DOCK7: variants seen among roughly 807,000 people sequenced by gnomAD.
DOCK7 encodes dedicator of cytokinesis protein 7.
A neutral mutation model predicts 271.0 loss-of-function variants in DOCK7; 138 were observed. The ratio of observed to expected loss-of-function variants is 0.51; its 90% CI spans 0.44 to 0.59. DOCK7 has a LOEUF of 0.59. Among genes scored for constraint, DOCK7 ranks in the 20% least tolerant of loss-of-function variants. DOCK7 has a pLI of 0.00. For synonymous variants in DOCK7, 823 were observed against 876.1 expected, an observed-to-expected ratio of 0.94 and a Z score of 1.07; for missense variants, 2,066 against 2,592.4, an observed-to-expected ratio of 0.80 and a Z score of 4.41.
chr1:62,648,631 G>T, intron 4 of DOCK7, 87 bp from the exon 5 acceptor site: 2 of 678,748 alleles, frequency 2.9e-6, no homozygotes, highest in Non-Finnish European at 4.3e-6. Context: ...AATAAGCCAA[G>T]TGTTTTCTGC....
chr1:62,622,881 G>A (rs1161332387), intron 12 of DOCK7, among the ~76,000 whole-genome samples: 1 of 152,114 alleles, frequency 6.6e-6, no homozygotes, highest in Non-Finnish European at 1.5e-5. Context: ...AGTGAGCCGA[G>A]ACTGTGCCAC....
intron 9 of DOCK7, 93 bp from the exon 10 acceptor site, chr1:62,633,671 G>A: frequency 1.2e-6 from 1 of 810,390 alleles, no homozygotes; most frequent in Non-Finnish European, 2.0e-6. Flanking sequence ...CACATTAACA[G>A]AATGACAGAA....
intron 1 of DOCK7, among the ~76,000 whole-genome samples, chr1:62,685,702 C>T: frequency 6.6e-6 from 1 of 152,164 alleles, no homozygotes; most frequent in East Asian, 1.9e-4. Flanking sequence ...ACTGAATCAT[C>T]ATCTCCATCC....
chr1:62,659,326 A>G (rs972855756), intron 2 of DOCK7, among the ~76,000 whole-genome samples: 1 of 152,184 alleles, frequency 6.6e-6, no homozygotes, highest in Non-Finnish European at 1.5e-5. Flanking sequence ...AACTGGTAAT[A>G]TATCAACACC....
chr1:62,523,991 A>G (rs140506961), intron 31 of DOCK7, among the ~76,000 whole-genome samples: 11 of 152,342 alleles, frequency 7.2e-5, no homozygotes, highest in African/African-American at 2.6e-4. Flanking sequence ...TATAACTGAC[A>G]ATGGACTTGA....
At chr1:62,634,972 TC>T (rs1655076371) in intron 8 of DOCK7, 50 bp from the exon 9 acceptor site, 4 of 1,308,288 alleles carry the variant, frequency 3.1e-6, no homozygotes, top group Non-Finnish European at 4.2e-6. Flanking sequence ...TTTTACAGTG[TC>T]TATTTCTTAA....
chr1:62,620,723 T>C (rs543766588), intron 12 of DOCK7, among the ~76,000 whole-genome samples: 2 of 149,806 alleles, frequency 1.3e-5, no homozygotes, highest in African/African-American at 4.9e-5. Context: ...TACTAAAAAA[T>C]ACAAAAAAAA....
intron 30 of DOCK7, 92 bp downstream of exon 30, chr1:62,529,185 T>C (rs1557672291): frequency 7.9e-7 from 1 of 1,262,736 alleles, no homozygotes; most frequent in East Asian, 2.5e-5. Context: ...ATTCTTATTT[T>C]CCTAAAATAA....
chr1:62,581,534 A>AT (rs1177719625), intron 16 of DOCK7, among the ~76,000 whole-genome samples: 2 of 152,170 alleles, frequency 1.3e-5, no homozygotes, highest in Non-Finnish European at 2.9e-5. Flanking sequence ...GGCCACTAAA[A>AT]ATATATATCT....
At chr1:62,651,450 A>T (rs1263578843) in intron 4 of DOCK7, among the ~76,000 whole-genome samples, 2 of 640 alleles carry the variant, frequency 3.1e-3, no homozygotes, top group Non-Finnish European at 0.036. Context: ...AAAGTATAAT[A>T]AAAAAAAAAA....
chr1:62,520,937 T>A lies in DOCK7; in HGVS notation c.3937-7039A>T, dbSNP rs571289810. Among the ~76,000 whole-genome samples the A allele has an allele frequency of 2.1e-3, 315 of 152,066 alleles. 2 individuals carry two copies. The highest frequency in any genetic ancestry group is 7.2e-3 in the African/African-American group (300 of 41,452). Reference sequence around the variant, plus strand: ...ACTATGCAGCCATAAAAAGGATGAGTTCATGTCCTTTGCAGGGACATGGAT... The same window carrying A: ...ACTATGCAGCCATAAAAAGGATGAGATCATGTCCTTTGCAGGGACATGGAT... On this transcript the variant is annotated intron_variant, in intron 31 of 49. Transcript: ENST00000635253.
intron 1 of DOCK7, among the ~76,000 whole-genome samples, chr1:62,681,546 A>T (rs575916782): frequency 0.015 from 512 of 35,084 alleles, 4 homozygotes; most frequent in African/African-American, 0.031. Flanking sequence ...AAAAATAAAA[A>T]AAATAAAATA....
intron 47 of DOCK7, 83 bp downstream of exon 47, chr1:62,475,125 G>A (rs1645932694): frequency 3.1e-5 from 45 of 1,431,862 alleles, no homozygotes; most frequent in Non-Finnish European, 4.1e-5. Context: ...CTTTTCATCT[G>A]ACTTAACAAT....
At chr1:62,477,562 A>G (rs1255826256) in intron 44 of DOCK7, 138 bp downstream of exon 44, 1 of 841,998 alleles carries the variant, frequency 1.2e-6, no homozygotes, top group Non-Finnish European at 1.7e-6. Context: ...TGTAACTATT[A>G]AAAGTCCTTA....
intron 22 of DOCK7, among the ~76,000 whole-genome samples, chr1:62,548,070 T>A (rs1393295357): frequency 6.6e-6 from 1 of 152,090 alleles, no homozygotes; most frequent in African/African-American, 2.4e-5. Context: ...GCACCTTGAA[T>A]AAGTTAGACA....
chr1:62,563,535 A>C (rs909063011), intron 18 of DOCK7, among the ~76,000 whole-genome samples: 8 of 152,114 alleles, frequency 5.3e-5, no homozygotes, highest in African/African-American at 1.7e-4. Flanking sequence ...ACAAACAAAC[A>C]AAAAAACAGA....
At chr1:62,597,460 C>A in intron 14 of DOCK7, 1 of 1,245,724 alleles carries the variant, frequency 8.0e-7, no homozygotes, top group Non-Finnish European at 1.1e-6. Flanking sequence ...CACCTACCAA[C>A]CTTACCTTTT....
At chr1:62,493,015 T>C (rs1481664935) in intron 40 of DOCK7, among the ~76,000 whole-genome samples, 168 bp from the exon 41 acceptor site, 1 of 152,172 alleles carries the variant, frequency 6.6e-6, no homozygotes, top group Non-Finnish European at 1.5e-5. Flanking sequence ...ATTTTGAAGA[T>C]GATAATAAAA....
intron 35 of DOCK7, among the ~76,000 whole-genome samples, chr1:62,507,582 C>G (rs569483850): frequency 6.6e-6 from 1 of 152,290 alleles, no homozygotes; most frequent in Non-Finnish European, 1.5e-5. Context: ...AGATAAAAAG[C>G]CTGAAACATT....
Sources: gnomAD v4.1 joint callset for allele counts (sites outside exome capture counted in the v4.1 genomes callset) on GRCh38, gnomAD v4.1.1 for gene constraint, MANE v1.5 for transcripts, NCBI Gene and HGNC (gene_info 2026-07-23, HGNC 2026-07-21) for gene names.